Variants in HAVCR1 observed in about 807,000 individuals in gnomAD.
The protein encoded by HAVCR1 is hepatitis A virus cellular receptor 1.
Under a neutral mutation model 32.0 loss-of-function variants are expected in HAVCR1, and 34 were observed. That is an observed-to-expected ratio of 1.06 (90% CI 0.81 to 1.42). The LOEUF (loss-of-function observed/expected upper bound fraction) is 1.42, where lower values mean the gene tolerates loss of function less well. Among genes scored for constraint, HAVCR1 ranks in the 40% most tolerant of loss-of-function variants. HAVCR1 has a pLI of 0.00. For synonymous variants in HAVCR1, 178 were observed against 170.3 expected, an observed-to-expected ratio of 1.05 and a Z score of -0.35; for missense variants, 420 against 442.3, an observed-to-expected ratio of 0.95 and a Z score of 0.45.
intron 4 of HAVCR1, among the ~76,000 whole-genome samples, chr5:157,050,934 C>T (rs775795575): frequency 1.3e-5 from 2 of 152,138 alleles, no homozygotes; most frequent in Admixed American, 6.6e-5. Context: ...TATGTTCCAT[C>T]AGATTTTTCC....
rs1159077730 is a variant in HAVCR1, at chr5:157,057,382, GAGAGGAAAGAAAGAAA to G, written c.46+500_46+515del. Among the ~76,000 whole-genome samples the G allele has an allele frequency of 2.7e-3, 359 of 133,802 alleles. 1 individual carries two copies. The highest frequency in any genetic ancestry group is 3.2e-3 in the Admixed American group (35 of 10,892). The allele number at this position is 133,802 out of a possible 152,430, so 87.8% of individuals were successfully genotyped here. A position where few individuals can be genotyped will look rare whatever the true frequency, so the allele number is the denominator to read the frequency against. ...TCATGAAGAGAGAGAGAGAGAGAGAGAGAGGAAAGAAAGAAAGAAAGAAAGAAAGAAAGAAAGAAAG... is the reference window on the plus strand; with the variant it reads ...TCATGAAGAGAGAGAGAGAGAGAGAGGAAAGAAAGAAAGAAAGAAAGAAAG... On this transcript the variant is annotated intron_variant, in intron 2 of 8. Coordinates refer to ENST00000523175, the MANE Select transcript of HAVCR1 (RefSeq NM_001173393.3).
At chr5:157,049,214 A>G (rs940898958) in intron 4 of HAVCR1, 69 bp from the exon 5 acceptor site, 2 of 977,458 alleles carry the variant, frequency 2.0e-6, no homozygotes, top group Non-Finnish European at 1.7e-6. Context: ...AAAAATAAAG[A>G]ACAAAACTAG....
the HAVCR1 span, among the ~76,000 whole-genome samples, chr5:157,067,929 C>T: frequency 2.0e-5 from 3 of 151,986 alleles, no homozygotes; most frequent in South Asian, 2.1e-4. Context: ...CTGCCTGCCT[C>T]GGCCTCCCAA....
Position 157,037,264 on chromosome 5 carries a change from C to G in HAVCR1, c.935G>C (p.Gly312Ala). The G allele has an allele frequency of 5.7e-6, 9 of 1,585,588 alleles. No individual in the cohort carries two copies. The highest frequency in any genetic ancestry group is 7.8e-6 in the Non-Finnish European group (9 of 1,154,064). The change falls in exon 7 of 9, where the codon GGT (glycine) becomes GCT (alanine). Residue 312 changes from glycine to alanine, a missense_variant. By Grantham distance (60) the Gly-to-Ala change is moderately conservative (BLOSUM62 0). Coordinates refer to ENST00000523175, the MANE Select transcript of HAVCR1 (RefSeq NM_001173393.3). ...ISVLVLLALLGVIIAKKYFFK... is the reference protein window; with the variant it reads ...ISVLVLLALLAVIIAKKYFFK... The stretch of plus-strand genomic sequence containing the variant: ...TGACTTACTTTTGGCAATGATGACA[C>G]CCAAAAGAGCAAGAAGCACCAAGAC...
intron 8 of HAVCR1, among the ~76,000 whole-genome samples, chr5:157,030,736 T>C (rs1421639008): frequency 1.3e-5 from 2 of 152,230 alleles, no homozygotes; most frequent in Non-Finnish European, 2.9e-5. Flanking sequence ...TTGATGTAAC[T>C]GGTTATTTTT....
intron 4 of HAVCR1, among the ~76,000 whole-genome samples, chr5:157,050,231 C>T (rs750724510): frequency 2.6e-5 from 4 of 152,176 alleles, no homozygotes; most frequent in Admixed American, 6.5e-5. Context: ...TCTTTCGGAA[C>T]GAAAAACAGA....
intron 4 of HAVCR1, 22 bp from the exon 5 acceptor site, chr5:157,049,167 A>AATTGTTCC: frequency 7.0e-7 from 1 of 1,431,956 alleles, no homozygotes. Context: ...AGAATGGAAG[A>AATTGTTCC]ATTGTTCCAT....
chr5:157,042,467 G>C (rs185372570), intron 6 of HAVCR1, among the ~76,000 whole-genome samples, 160 bp downstream of exon 6: 3 of 148,122 alleles, frequency 2.0e-5, no homozygotes, highest in African/African-American at 7.5e-5. Flanking sequence ...AAAAATTAAA[G>C]CATCCTATTT....
the HAVCR1 span, among the ~76,000 whole-genome samples, chr5:157,064,742 C>T: frequency 2.0e-5 from 3 of 152,258 alleles, no homozygotes; most frequent in Non-Finnish European, 2.9e-5. Flanking sequence ...GTCGTGGGTG[C>T]CTGTAATCTG....
chr5:157,036,282 T>C (rs746777018), intron 7 of HAVCR1, among the ~76,000 whole-genome samples: 2 of 152,004 alleles, frequency 1.3e-5, no homozygotes, highest in Non-Finnish European at 2.9e-5. Flanking sequence ...ATCGAGACCA[T>C]CCTGACTAAC....
intron 5 of HAVCR1, 42 bp downstream of exon 5, chr5:157,048,996 G>C (rs776068533): frequency 1.7e-6 from 2 of 1,147,058 alleles, no homozygotes; most frequent in South Asian, 2.4e-5. Flanking sequence ...GGTTATCAAG[G>C]TTTGAATGAT....
chr5:157,033,274 A>G, intron 7 of HAVCR1, among the ~76,000 whole-genome samples: 1 of 152,172 alleles, frequency 6.6e-6, no homozygotes, highest in Non-Finnish European at 1.5e-5. Context: ...AGTCACCTCT[A>G]TCAAAGGATA....
At chr5:157,047,046 T>C (rs2113581295) in intron 5 of HAVCR1, among the ~76,000 whole-genome samples, 1 of 152,300 alleles carries the variant, frequency 6.6e-6, no homozygotes, top group Non-Finnish European at 1.5e-5. Context: ...GGCTCATAAC[T>C]CCCATATCCC....
chr5:157,066,577 A>T, the HAVCR1 span, among the ~76,000 whole-genome samples: 3 of 151,898 alleles, frequency 2.0e-5, no homozygotes, highest in Non-Finnish European at 2.9e-5. Flanking sequence ...AGTGATAAAA[A>T]TAACAGCATG....
At chr5:157,050,627 G>A (rs755457348) in intron 4 of HAVCR1, among the ~76,000 whole-genome samples, 2 of 152,006 alleles carry the variant, frequency 1.3e-5, no homozygotes, top group Non-Finnish European at 2.9e-5. Context: ...CCCATATCTC[G>A]GCTTTAAATG....
intron 7 of HAVCR1, among the ~76,000 whole-genome samples, chr5:157,036,877 T>G (rs1754565481): frequency 6.6e-6 from 1 of 151,190 alleles, no homozygotes; most frequent in Non-Finnish European, 1.5e-5. Context: ...TTGTTTTGTT[T>G]TGCTTTTTTG....
chr5:157,061,626 G>C (rs1561609832), upstream of HAVCR1, among the ~76,000 whole-genome samples: 2 of 151,616 alleles, frequency 1.3e-5, no homozygotes, highest in East Asian at 1.9e-4. Flanking sequence ...AGAATCGCCT[G>C]AACCCGGGAG....
intron 1 of HAVCR1, among the ~76,000 whole-genome samples, 174 bp downstream of exon 1, chr5:157,058,747 C>T (rs1561607813): frequency 6.6e-6 from 1 of 152,164 alleles, no homozygotes; most frequent in East Asian, 1.9e-4. Flanking sequence ...ACGACTTATC[C>T]CTAGCCTTAA....
the HAVCR1 span, among the ~76,000 whole-genome samples, chr5:157,065,675 T>C: frequency 6.6e-6 from 1 of 151,950 alleles, no homozygotes; most frequent in East Asian, 1.9e-4. Context: ...GCCAACATGG[T>C]GAAACCCCGT....
Sources: allele counts gnomAD v4.1 joint callset (sites outside exome capture counted in the v4.1 genomes callset), GRCh38; gene constraint gnomAD v4.1.1; transcripts MANE v1.5; gene names NCBI Gene and HGNC (gene_info 2026-07-23, HGNC 2026-07-21).